The following CHCHD6 variants were observed in gnomAD, a reference collection of about 807,000 sequenced individuals.
CHCHD6 encodes the protein coiled-coil-helix-coiled-coil-helix domain containing 6, also known as MICOS complex subunit MIC25.
A neutral mutation model predicts 32.3 loss-of-function variants in CHCHD6; 28 were observed. That is an observed-to-expected ratio of 0.87 (90% confidence interval 0.64 to 1.19). The LOEUF (loss-of-function observed/expected upper bound fraction) is 1.19. Ranked by LOEUF, CHCHD6 falls within the 50% of genes most tolerant of loss-of-function variation. The pLI is 0.00. For missense variants in CHCHD6, 333 were observed against 307.0 expected (o/e 1.08, Z -0.63); for synonymous variants, 122 against 117.5 (o/e 1.04, Z -0.25).
rs564376625 is a variant in CHCHD6, at chr3:126,834,955, G to T, written c.412-17692G>T. ...GGCCCTGGAAGCCCTGGTGTGTCTG[G>T]AGGAATAAGAGCTCCGCTGTGCCAT... On this transcript the variant is annotated intron_variant, in intron 4 of 7. Coordinates refer to ENST00000290913, the MANE Select transcript of CHCHD6 (RefSeq NM_032343.3). 3.3e-5 allele frequency among the ~76,000 whole-genome samples: 5 copies of T among 152,298 alleles called. No individual in the cohort carries two copies. The East Asian group carries it at 9.7e-4, about 29-fold the overall frequency.
chr3:126,791,096 C>T (rs1268823556), intron 4 of CHCHD6, among the ~76,000 whole-genome samples: 1 of 152,200 alleles, frequency 6.6e-6, no homozygotes, highest in Non-Finnish European at 1.5e-5. Context: ...CACTCCAGAC[C>T]CTGTTTGCCT....
chr3:126,718,554 C>G (rs1182632854), intron 1 of CHCHD6, among the ~76,000 whole-genome samples: 1 of 152,218 alleles, frequency 6.6e-6, no homozygotes, highest in African/African-American at 2.4e-5. Flanking sequence ...TCCTGAGCTG[C>G]GCAGCAGCCA....
At chr3:126,782,488 A>C (rs950778027) in intron 4 of CHCHD6, among the ~76,000 whole-genome samples, 3 of 152,266 alleles carry the variant, frequency 2.0e-5, no homozygotes, top group Non-Finnish European at 4.4e-5. Context: ...GCCTTTCATT[A>C]AATTTCTTCA....
chr3:126,714,782 G>A (rs1005047137), intron 1 of CHCHD6, among the ~76,000 whole-genome samples: 2 of 152,138 alleles, frequency 1.3e-5, no homozygotes, highest in African/African-American at 4.8e-5. Flanking sequence ...GCATGGCTGC[G>A]TAGGCCTGTC....
chr3:126,934,530 T>G (rs4679305), intron 6 of CHCHD6, among the ~76,000 whole-genome samples: 17 of 136,296 alleles, frequency 1.2e-4, no homozygotes, highest in South Asian at 9.3e-4. Context: ...CACCCTCCCC[T>G]CTCTGCTTTT....
intron 4 of CHCHD6, among the ~76,000 whole-genome samples, chr3:126,835,898 A>C (rs573031557): frequency 1.3e-5 from 2 of 152,122 alleles, no homozygotes; most frequent in Admixed American, 6.5e-5. Context: ...AAAATCGCAT[A>C]TTATTTCTTC....
rs531344804 is a variant in CHCHD6 at position 126,756,933 on chromosome 3, A to T, written c.411+23711A>T. 1.9e-3 allele frequency among the ~76,000 whole-genome samples: 290 copies of T among 152,352 alleles called. 1 individual carries two copies. Among genetic ancestry groups the T allele is most frequent in the African/African-American group, 6.5e-3 (270 of 41,582 alleles). On this transcript the variant is annotated intron_variant, in intron 4 of 7. Coordinates refer to ENST00000290913, the MANE Select transcript of CHCHD6 (RefSeq NM_032343.3). ...TCTTGTTAATTAAGGCAAGAATCAC[A>T]TCATGTATGTTTGTTTTCACCTGTA...
intron 6 of CHCHD6, among the ~76,000 whole-genome samples, chr3:126,953,977 C>T (rs1243057168): frequency 6.6e-6 from 1 of 152,114 alleles, no homozygotes; most frequent in Non-Finnish European, 1.5e-5. Flanking sequence ...ATAGAGTGCA[C>T]CTACTTTTGT....
At chr3:126,858,625 G>A (rs940218110) in intron 5 of CHCHD6, among the ~76,000 whole-genome samples, 20 of 152,124 alleles carry the variant, frequency 1.3e-4, no homozygotes, top group Admixed American at 5.9e-4. Context: ...TCGCCTCCTC[G>A]TGTGACTGGA....
intron 5 of CHCHD6, 72 bp downstream of exon 5, chr3:126,852,802 A>G (rs1941519256): frequency 9.5e-7 from 1 of 1,053,918 alleles, no homozygotes; most frequent in South Asian, 1.3e-5. Flanking sequence ...CATCACTGTC[A>G]TGGGGGGAGA....
At chr3:126,875,770 C>T (rs2077532232) in intron 5 of CHCHD6, among the ~76,000 whole-genome samples, 1 of 152,154 alleles carries the variant, frequency 6.6e-6, no homozygotes, top group African/African-American at 2.4e-5. Flanking sequence ...TTCTAACAAA[C>T]AAAGCACTGT....
chr3:126,929,934 T>C lies in CHCHD6; in HGVS notation c.566+15184T>C, dbSNP rs79827560. Among the ~76,000 whole-genome samples the C allele has an allele frequency of 3.3e-3, 508 of 152,304 alleles. 5 individuals carry two copies. Among genetic ancestry groups the C allele is most frequent in the African/African-American group, 0.011 (474 of 41,554 alleles). On this transcript the variant is annotated intron_variant, in intron 6 of 7. Coordinates refer to ENST00000290913, the MANE Select transcript of CHCHD6 (RefSeq NM_032343.3). ...CTAAGTCATTGATGAAAATGTTAAGTTGTACAAAAATGAGGACCTCCATTA... is the reference window on the plus strand; with the variant it reads ...CTAAGTCATTGATGAAAATGTTAAGCTGTACAAAAATGAGGACCTCCATTA...
At chr3:126,893,408 C>T (rs2077793475) in intron 5 of CHCHD6, among the ~76,000 whole-genome samples, 1 of 152,234 alleles carries the variant, frequency 6.6e-6, no homozygotes, top group Non-Finnish European at 1.5e-5. Flanking sequence ...TTTTCTCTAC[C>T]TTGTCTAGCC....
intron 2 of CHCHD6, among the ~76,000 whole-genome samples, chr3:126,727,397 CT>C (rs1372871221): frequency 6.6e-6 from 1 of 152,204 alleles, no homozygotes; most frequent in Non-Finnish European, 1.5e-5. Context: ...GTCGGACCAC[CT>C]TCCCTCTGTG....
chr3:126,896,657 C>T (rs536031295), intron 5 of CHCHD6, among the ~76,000 whole-genome samples: 1 of 152,230 alleles, frequency 6.6e-6, no homozygotes, highest in African/African-American at 2.4e-5. Flanking sequence ...CCTGATCAAC[C>T]CGGCTGTAGA....
chr3:126,925,002 G>A (rs758004852), intron 6 of CHCHD6, among the ~76,000 whole-genome samples: 6 of 152,204 alleles, frequency 3.9e-5, no homozygotes, highest in Non-Finnish European at 8.8e-5. Context: ...TGTGTTAGTG[G>A]GGAGTAATGA....
At chr3:126,848,770 A>G (rs1941375257) in intron 4 of CHCHD6, among the ~76,000 whole-genome samples, 1 of 152,218 alleles carries the variant, frequency 6.6e-6, no homozygotes, top group Non-Finnish European at 1.5e-5. Flanking sequence ...AAATTTTTGC[A>G]TAATAAAAAG....
intron 5 of CHCHD6, among the ~76,000 whole-genome samples, chr3:126,885,864 A>G (rs984492926): frequency 6.6e-5 from 10 of 152,288 alleles, no homozygotes; most frequent in African/African-American, 1.7e-4. Context: ...GAGTCAAACC[A>G]TAGGAGGGAT....
chr3:126,842,970 T>G (rs1030475867), intron 4 of CHCHD6, among the ~76,000 whole-genome samples: 10 of 152,106 alleles, frequency 6.6e-5, no homozygotes, highest in Non-Finnish European at 1.2e-4. Context: ...AATCAGATAC[T>G]CTAAATCTTT....
Sources: gnomAD v4.1 joint callset for allele counts (sites outside exome capture counted in the v4.1 genomes callset) on GRCh38, gnomAD v4.1.1 for gene constraint, MANE v1.5 for transcripts, NCBI Gene and HGNC (gene_info 2026-07-23, HGNC 2026-07-21) for gene names.